CHD5: variants seen among roughly 807,000 people sequenced by gnomAD.
The protein encoded by CHD5 is chromodomain helicase DNA binding protein 5, also known as ATP-dependent chromatin remodeler CHD5.
In CHD5, 69 loss-of-function variants were observed where a neutral mutation model predicts 230.3. The ratio of observed to expected loss-of-function variants is 0.30; its 90% confidence interval spans 0.25 to 0.37. CHD5 has a LOEUF of 0.37. Among genes scored for constraint, CHD5 ranks in the 10% least tolerant of loss-of-function variants. CHD5 has a pLI of 1.00. For synonymous variants in CHD5, 1,064 were observed against 1,065.9 expected, an observed-to-expected ratio of 1.00 and a Z score of 0.03; for missense variants, 1,827 against 2,622.8, an observed-to-expected ratio of 0.70 and a Z score of 6.63.
At chr1:6,156,535 CAAA>C (rs1225146962) in intron 3 of CHD5, among the ~76,000 whole-genome samples, 5 of 63,816 alleles carry the variant, frequency 7.8e-5, no homozygotes, top group Admixed American at 1.8e-4. Context: ...GATTCTGTCT[CAAA>C]AAAAAAAAAA....
Position 6,125,836 on chromosome 1 carries a change from A to G in CHD5, c.4101T>C (p.Asp1367=). The change falls in exon 27 of 42, where the codon GAT becomes GAC. Residue 1367 remains aspartate, a synonymous_variant. Transcript: ENST00000262450. The surrounding 1 kb of genome is among the most constrained non-coding windows in gnomAD (Gnocchi z 6.7). ...EDQEWQDELS[D]NQSEYSIGSE... ...AGCCAATGGAATATTCTGACTGGTT[A>G]TCAGAGAGCTCATCCTGCCACTCTG... 6.2e-7 allele frequency: 1 copy of G among 1,612,926 alleles called. No individual in the cohort carries two copies. The highest frequency in any genetic ancestry group is 1.1e-5 in the South Asian group (1 of 91,080).
intron 3 of CHD5, among the ~76,000 whole-genome samples, chr1:6,157,401 C>A (rs1188777150): frequency 6.6e-6 from 1 of 152,250 alleles, no homozygotes; most frequent in Non-Finnish European, 1.5e-5. Context: ...AACACTGCCA[C>A]AGCAGAGGCA....
At chr1:6,169,805 G>A (rs12039152) in intron 1 of CHD5, among the ~76,000 whole-genome samples, 6,825 of 152,180 alleles carry the variant, frequency 0.045, 406 homozygotes, top group African/African-American at 0.14. Flanking sequence ...TGTCCTACTC[G>A]CTCTCCACCA....
At chr1:6,176,396 G>A (rs1245275940) in intron 1 of CHD5, among the ~76,000 whole-genome samples, 9 of 152,186 alleles carry the variant, frequency 5.9e-5, no homozygotes. Flanking sequence ...CACTAGCTTT[G>A]TCTGTGATTG....
chr1:6,125,410 C>G lies in CHD5; in HGVS notation c.4260+114G>C, dbSNP rs1327622214. ...GGCGAAGACCAGACCAAGTTCTGTC[C>G]AAGCTCCGCCTCTACCTGGCATGAG... On this transcript the variant is annotated intron_variant, in intron 28 of 41. Transcript: ENST00000262450. This position sits in a 1 kb window ranked among gnomAD's most constrained non-coding sequence, Gnocchi z 6.7. 2 of 1,315,422 alleles carry G rather than the reference C, an allele frequency of 1.5e-6. No individual in the cohort carries two copies. The highest frequency in any genetic ancestry group is 2.1e-6 in the Non-Finnish European group (2 of 949,274). The allele number at this position is 1,315,422 out of a possible 1,614,324, so 81.5% of individuals were successfully genotyped here.
Position 6,128,301 on chromosome 1 carries a change from G to T in CHD5, c.3731-83C>A. On this transcript the variant is annotated intron_variant, in intron 24 of 41. Transcript: ENST00000262450. This position sits in a 1 kb window ranked among gnomAD's most constrained non-coding sequence, Gnocchi z 7.8. The stretch of plus-strand genomic sequence containing the variant: ...TCCCAGGAACAGACTCCCAACAATG[G>T]CCCTTCCCATCCCCAGCAGGGGCTG... 1 of 1,412,432 alleles carries T rather than the reference G, an allele frequency of 7.1e-7. No homozygotes were observed. The highest frequency in any genetic ancestry group is 9.8e-7 in the Non-Finnish European group (1 of 1,020,028). 87.5% of individuals were successfully genotyped at this position (1,412,432 alleles called of 1,614,324 possible). A position where few individuals can be genotyped will look rare whatever the true frequency, so the allele number is the denominator to read the frequency against.
intron 2 of CHD5, among the ~76,000 whole-genome samples, chr1:6,166,072 G>A (rs971965757): frequency 2.0e-5 from 3 of 151,864 alleles, no homozygotes; most frequent in African/African-American, 2.4e-5. Context: ...GGGGGTTCCC[G>A]GGAAGGGACA....
At chr1:6,122,214 GC>G (rs1285721460) in intron 31 of CHD5, among the ~76,000 whole-genome samples, 1 of 152,180 alleles carries the variant, frequency 6.6e-6, no homozygotes, top group Non-Finnish European at 1.5e-5. Flanking sequence ...AGCTATGTCC[GC>G]CCCAGGCCTG....
intron 1 of CHD5, among the ~76,000 whole-genome samples, chr1:6,178,214 G>T (rs958697524): frequency 6.6e-6 from 1 of 152,122 alleles, no homozygotes; most frequent in Non-Finnish European, 1.5e-5. Flanking sequence ...CGGGTGGTGG[G>T]CAGGATGACC....
Position 6,111,757 on chromosome 1 carries a change from C to G in CHD5, c.5249+18G>C, listed in dbSNP as rs375657455. The G allele has an allele frequency of 2.5e-6, 4 of 1,607,212 alleles. No individual in the cohort carries two copies. Among genetic ancestry groups the G allele is most frequent in the Non-Finnish European group, 3.4e-6 (4 of 1,174,536 alleles). ...GGAACGGGCAAGTCCCTGCCCAGCC[C>G]GGCCTGGCCAAGGATACGTCACGAT... On this transcript the variant is annotated intron_variant, in intron 36 of 41. Coordinates refer to ENST00000262450, the MANE Select transcript of CHD5 (RefSeq NM_015557.3).
In CHD5 at chr1:6,146,493, T is replaced by C. The variant is rs1666913952; in HGVS notation, c.1591-70A>G. Reference sequence around the variant, plus strand: ...GGTCCCCTGCATCTCCCTACCCAGCTCCTCTAGCCCCAGCCCAGGTCCCAG... The same window carrying C: ...GGTCCCCTGCATCTCCCTACCCAGCCCCTCTAGCCCCAGCCCAGGTCCCAG... On this transcript the variant is annotated intron_variant, in intron 10 of 41. Transcript: ENST00000262450. This position sits in a 1 kb window ranked among gnomAD's most constrained non-coding sequence, Gnocchi z 5.1. 2 of 1,501,616 alleles carry C rather than the reference T, an allele frequency of 1.3e-6. No individual in the cohort carries two copies. The highest frequency in any genetic ancestry group is 1.8e-6 in the Non-Finnish European group (2 of 1,088,296). The allele number at this position is 1,501,616 out of a possible 1,614,324, so 93.0% of individuals were successfully genotyped here.
rs948072275 is a variant in CHD5 at position 6,150,957 on chromosome 1, C to A, written c.994+75G>T. ...ATCCACCCGGCAGGCCGAGAACCGT[C>A]CAGATGGGGAGTCCTACTCGTGCCC... On this transcript the variant is annotated intron_variant, in intron 7 of 41. Transcript: ENST00000262450. 2.8e-6 allele frequency: 4 copies of A among 1,411,090 alleles called. No homozygotes were observed. The African/African-American group carries it at 5.8e-5, about 21-fold the overall frequency. 87.4% of individuals were successfully genotyped at this position (1,411,090 alleles called of 1,614,324 possible).
chr1:6,131,859 G>A lies in CHD5; in HGVS notation c.3145-111C>T. ...AGGAGAGAGCTGCCTGCTAGGTGGG[G>A]AGACAGCTGGGACCCAGGCAGGCCC... On this transcript the variant is annotated intron_variant, in intron 20 of 41. Coordinates refer to ENST00000262450, the MANE Select transcript of CHD5 (RefSeq NM_015557.3). The surrounding 1 kb of genome is among the most constrained non-coding windows in gnomAD (Gnocchi z 5.0). 1.5e-6 allele frequency: 1 copy of A among 681,244 alleles called. No individual in the cohort carries two copies. The highest frequency in any genetic ancestry group is 1.8e-5 in the South Asian group (1 of 56,922). 42.2% of individuals were successfully genotyped at this position (681,244 alleles called of 1,614,324 possible). A position where few individuals can be genotyped will look rare whatever the true frequency, so the allele number is the denominator to read the frequency against.
intron 38 of CHD5, 69 bp downstream of exon 38, chr1:6,109,726 C>T (rs1666254894): frequency 7.2e-6 from 10 of 1,388,678 alleles, no homozygotes; most frequent in Admixed American, 1.9e-5. Context: ...CCCTCATCTA[C>T]AGCCAAGAGC....
At position 6,131,799 on chromosome 1, in the gene CHD5, T is replaced by A; in HGVS notation, c.3145-51A>T. On this transcript the variant is annotated intron_variant, in intron 20 of 41. Transcript: ENST00000262450. The surrounding 1 kb of genome is among the most constrained non-coding windows in gnomAD (Gnocchi z 5.0). The stretch of plus-strand genomic sequence containing the variant: ...AACTGCCAAGGAGCAAGGGGCCCCA[T>A]GGGCCATGGGCGGGGACCCCGCCAC... 1 of 1,203,016 alleles carries A rather than the reference T, an allele frequency of 8.3e-7. No homozygotes were observed. Among genetic ancestry groups the A allele is most frequent in the Non-Finnish European group, 1.2e-6 (1 of 819,700 alleles). 74.5% of individuals were successfully genotyped at this position (1,203,016 alleles called of 1,614,324 possible). A position where few individuals can be genotyped will look rare whatever the true frequency, so the allele number is the denominator to read the frequency against.
In CHD5 at chr1:6,144,100, C is replaced by A. The variant is rs554923142; in HGVS notation, c.1858G>T (p.Asp620Tyr). Residue 620 changes from aspartate to tyrosine, a missense_variant, in exon 12 of 42, where the codon GAC (aspartate) becomes TAC (tyrosine). Physicochemically the swap from Asp to Tyr is radical, Grantham distance 160. Coordinates refer to ENST00000262450, the MANE Select transcript of CHD5 (RefSeq NM_015557.3). ...TCATCGATCTCCCAGGTGCACTGGT[C>A]GTAGGGCAGGTCTTTCCACTTGATC... ...YLIKWKDLPY[D>Y]QCTWEIDDID... The A allele has an allele frequency of 6.2e-7, 1 of 1,614,176 alleles. No individual in the cohort carries two copies. The highest frequency in any genetic ancestry group is 2.2e-5 in the East Asian group (1 of 44,878).
intron 31 of CHD5, 74 bp downstream of exon 31, chr1:6,123,874 T>G: frequency 9.0e-7 from 1 of 1,108,490 alleles, no homozygotes; most frequent in East Asian, 3.2e-5. Context: ...GATTGTGGGT[T>G]AGACTAGGGG....
At chr1:6,156,893 C>T (rs1386519957) in intron 3 of CHD5, among the ~76,000 whole-genome samples, 1 of 152,178 alleles carries the variant, frequency 6.6e-6, no homozygotes, top group Non-Finnish European at 1.5e-5. Context: ...AGGGAGGTGC[C>T]GGATGTGGGC....
intron 3 of CHD5, among the ~76,000 whole-genome samples, chr1:6,157,078 C>G (rs1667091684): frequency 6.6e-6 from 1 of 152,232 alleles, no homozygotes; most frequent in Admixed American, 6.5e-5. Context: ...AATGCGTTAG[C>G]AATTGTTAGC....
Sources: allele counts gnomAD v4.1 joint callset (sites outside exome capture counted in the v4.1 genomes callset), GRCh38; gene constraint gnomAD v4.1.1; non-coding constraint Gnocchi (gnomAD v3.1); transcripts MANE v1.5; gene names NCBI Gene and HGNC (gene_info 2026-07-23, HGNC 2026-07-21).